SLC44A1: variants seen among roughly 807,000 people sequenced by gnomAD.
The protein encoded by SLC44A1 is choline transporter-like protein 1.
A neutral mutation model predicts 79.3 loss-of-function variants in SLC44A1; 26 were observed. That is an observed-to-expected ratio of 0.33 (90% CI 0.24 to 0.46). SLC44A1 has a LOEUF of 0.46. Ranked by LOEUF, SLC44A1 falls within the 20% of genes least tolerant of loss-of-function variation. The pLI is 1.00. For synonymous variants in SLC44A1, 263 were observed against 286.2 expected (o/e 0.92, Z 0.82); for missense variants, 688 against 798.1 (o/e 0.86, Z 1.66).
chr9:105,285,565 G>A (rs111342326), intron 1 of SLC44A1, among the ~76,000 whole-genome samples: 9 of 152,314 alleles, frequency 5.9e-5, no homozygotes, highest in African/African-American at 1.7e-4. Flanking sequence ...GGCTGAGTCC[G>A]AAAAGAGTCA....
intron 2 of SLC44A1, among the ~76,000 whole-genome samples, chr9:105,304,240 C>T (rs375480438): frequency 7.2e-5 from 11 of 152,076 alleles, no homozygotes; most frequent in South Asian, 4.2e-4. Context: ...TATTGTTGAG[C>T]GTGCAGAACA....
intron 15 of SLC44A1, among the ~76,000 whole-genome samples, chr9:105,432,443 G>C (rs1435357241): frequency 6.6e-6 from 1 of 152,166 alleles, no homozygotes; most frequent in African/African-American, 2.4e-5. Flanking sequence ...GATATCTGCA[G>C]GATTGCATTA....
chr9:105,418,430 T>C (rs56965223), intron 15 of SLC44A1, among the ~76,000 whole-genome samples: 2,230 of 152,124 alleles, frequency 0.015, 61 homozygotes, highest in African/African-American at 0.051. Context: ...TAATTGGCCA[T>C]TAGATCATGC....
Position 105,367,363 on chromosome 9 carries a change from T to C in SLC44A1, c.1494+934T>C, listed in dbSNP as rs1564462183. On this transcript the variant is annotated intron_variant, in intron 12 of 15. Transcript: ENST00000374720. Reference sequence around the variant, plus strand: ...GCTTTATTGGGTTCTATGGTTAATATGAGAAAGTAGGTATGATGTTTCATT... The same window carrying C: ...GCTTTATTGGGTTCTATGGTTAATACGAGAAAGTAGGTATGATGTTTCATT... Among the ~76,000 whole-genome samples, 4 of 152,320 alleles carry C rather than the reference T, an allele frequency of 2.6e-5. 1 individual carries two copies. The highest frequency in any genetic ancestry group is 4.1e-4 in the South Asian group (2 of 4,824).
chr9:105,410,100 TA>T (rs1216156448), intron 15 of SLC44A1, among the ~76,000 whole-genome samples: 1 of 152,122 alleles, frequency 6.6e-6, no homozygotes, highest in Non-Finnish European at 1.5e-5. Flanking sequence ...AAAATAGACC[TA>T]AATATAAGAG....
rs57226567 is a variant in SLC44A1 at position 105,392,403 on chromosome 9, C to CTTT, written c.*3372_*3374dup. On this transcript the variant is annotated 3_prime_UTR_variant, in exon 16 of 16. Transcript: ENST00000374720. ...GTAGAGATGCTCTCTCTCTCTCTCT[C>CTTT]TTTTTTTTTTTTTTTTTTTTTTTTT... The CTTT allele has an allele frequency of 3.4e-4, 210 of 610,634 alleles. No homozygotes were observed. The highest frequency in any genetic ancestry group is 7.3e-4 in the Admixed American group (4 of 5,516). The allele number at this position is 610,634 out of a possible 1,614,324, so 37.8% of individuals were successfully genotyped here. A position where few individuals can be genotyped will look rare whatever the true frequency, so the allele number is the denominator to read the frequency against.
rs1828860575 is a variant in SLC44A1 at position 105,395,628 on chromosome 9, T to C, written c.*6572T>C. ...GTCCAGTCTAAGTATCTAAATGTGA[T>C]ATGCCCTTTTGTCACAGAAGTGTAA... is the stretch of plus-strand genomic sequence containing the variant. On this transcript the variant is annotated 3_prime_UTR_variant, in exon 16 of 16. Transcript: ENST00000374720. The C allele has an allele frequency of 2.0e-6, 2 of 985,268 alleles. No homozygotes were observed. Among genetic ancestry groups the C allele is most frequent in the African/African-American group, 1.7e-5 (1 of 57,242 alleles). The allele number at this position is 985,268 out of a possible 1,614,324, so 61.0% of individuals were successfully genotyped here. A position where few individuals can be genotyped will look rare whatever the true frequency, so the allele number is the denominator to read the frequency against.
chr9:105,250,115 A>G (rs1010329409), intron 1 of SLC44A1, among the ~76,000 whole-genome samples: 3 of 151,888 alleles, frequency 2.0e-5, no homozygotes, highest in Admixed American at 1.3e-4. Flanking sequence ...GGTTCAAACT[A>G]TGCTCCTGCC....
intron 2 of SLC44A1, among the ~76,000 whole-genome samples, chr9:105,302,668 CTT>C (rs1830911049): frequency 2.1e-5 from 3 of 143,136 alleles, no homozygotes; most frequent in Admixed American, 7.0e-5. Flanking sequence ...TAGCTGGGAT[CTT>C]TTCTAAAAAA....
At chr9:105,248,589 A>G (rs571786673) in intron 1 of SLC44A1, among the ~76,000 whole-genome samples, 1 of 152,342 alleles carries the variant, frequency 6.6e-6, no homozygotes, top group African/African-American at 2.4e-5. Context: ...GACCATTACA[A>G]GTTGTTTACT....
intron 3 of SLC44A1, among the ~76,000 whole-genome samples, chr9:105,310,675 A>G (rs940020523): frequency 5.3e-5 from 8 of 152,226 alleles, no homozygotes; most frequent in Non-Finnish European, 8.8e-5. Flanking sequence ...TAGGTCTATT[A>G]TAAAGCATTT....
chr9:105,286,165 T>C (rs984315211), intron 1 of SLC44A1, among the ~76,000 whole-genome samples: 1 of 152,220 alleles, frequency 6.6e-6, no homozygotes, highest in Non-Finnish European at 1.5e-5. Flanking sequence ...TTACTGCAAT[T>C]CTTACGCCTC....
At position 105,395,441 on chromosome 9, in the gene SLC44A1, A is replaced by G. The variant is rs771293287; in HGVS notation, c.*6385A>G. 4.9e-6 allele frequency: 3 copies of G among 615,896 alleles called. No individual in the cohort carries two copies. The highest frequency in any genetic ancestry group is 1.4e-4 in the East Asian group (1 of 7,140). The allele number at this position is 615,896 out of a possible 1,614,324, so 38.2% of individuals were successfully genotyped here. ...ACCACGTTGGCCAGGCCAATCTCGA[A>G]CTCCTGACCTCAGGTGATCCACCCG... On this transcript the variant is annotated 3_prime_UTR_variant, in exon 16 of 16. Transcript: ENST00000374720.
At chr9:105,362,036 A>G (rs1424266317) in intron 8 of SLC44A1, among the ~76,000 whole-genome samples, 1 of 151,606 alleles carries the variant, frequency 6.6e-6, no homozygotes, top group Non-Finnish European at 1.5e-5. Flanking sequence ...CAAAATATAT[A>G]TGTGTGTTTG....
chr9:105,256,949 G>C (rs867655028), intron 1 of SLC44A1, among the ~76,000 whole-genome samples: 29 of 151,666 alleles, frequency 1.9e-4, no homozygotes, highest in African/African-American at 6.3e-4. Context: ...ACGACAGAGG[G>C]CTAATTTTTG....
rs193159615 is a variant in SLC44A1, at chr9:105,251,305, A to G, written c.36+6401A>G. ...GAGTCCTGTAGGGAACCTGCCTCTC[A>G]CTCTTCTATATCTAGTCACCACATC... is the stretch of plus-strand genomic sequence containing the variant. On this transcript the variant is annotated intron_variant, in intron 1 of 15. Transcript: ENST00000374720. Among the ~76,000 whole-genome samples the G allele has an allele frequency of 8.4e-4, 127 of 151,448 alleles. 2 individuals are homozygous for G. The Middle Eastern group carries it at 0.01, about 12-fold the overall frequency.
chr9:105,394,784 A>G lies in SLC44A1; in HGVS notation c.*5728A>G, dbSNP rs373706274. ...AGTTGGAGGAGCAGATGCTGAAGGT[A>G]GAAATGCAAAAGATGTTTTTTCTTC... On this transcript the variant is annotated 3_prime_UTR_variant, in exon 16 of 16. Coordinates refer to ENST00000374720, the MANE Select transcript of SLC44A1 (RefSeq NM_080546.5). 1.0e-6 allele frequency: 1 copy of G among 985,450 alleles called. No homozygotes were observed. The allele number at this position is 985,450 out of a possible 1,614,324, so 61.0% of individuals were successfully genotyped here. A position where few individuals can be genotyped will look rare whatever the true frequency, so the allele number is the denominator to read the frequency against.
chr9:105,388,479 A>G (rs1828685342), intron 15 of SLC44A1, among the ~76,000 whole-genome samples: 1 of 152,144 alleles, frequency 6.6e-6, no homozygotes, highest in Non-Finnish European at 1.5e-5. Context: ...TCCCTCCTCA[A>G]TGAGATATTT....
chr9:105,370,458 C>T (rs571570083), intron 12 of SLC44A1, among the ~76,000 whole-genome samples: 6 of 152,220 alleles, frequency 3.9e-5, no homozygotes, highest in African/African-American at 1.2e-4. Context: ...GGACATTCGA[C>T]CCTCACAGAA....
Sources: gnomAD v4.1 joint callset for allele counts (sites outside exome capture counted in the v4.1 genomes callset) on GRCh38, gnomAD v4.1.1 for gene constraint, MANE v1.5 for transcripts, NCBI Gene and HGNC (gene_info 2026-07-23, HGNC 2026-07-21) for gene names.